The following NFE2L2 variants were observed in gnomAD, a reference collection of about 807,000 sequenced individuals.
NFE2L2 encodes the protein nuclear factor erythroid 2-related factor 2.
Under a neutral mutation model 49.6 loss-of-function variants are expected in NFE2L2, and 20 were observed. The ratio of observed to expected loss-of-function variants is 0.40; its 90% CI spans 0.28 to 0.59. The LOEUF is 0.59. Among genes scored for constraint, NFE2L2 ranks in the 20% least tolerant of loss-of-function variants. The pLI is 0.40. For synonymous variants in NFE2L2, 244 were observed against 256.5 expected, an observed-to-expected ratio of 0.95 and a Z score of 0.47; for missense variants, 578 against 714.2, an observed-to-expected ratio of 0.81 and a Z score of 2.17.
rs192860219 is a variant in NFE2L2 at position 177,239,378 on chromosome 2, T to G, written c.46-5107A>C. 2.4e-4 allele frequency among the ~76,000 whole-genome samples: 37 copies of G among 152,320 alleles called. 2 individuals are homozygous for G. The East Asian group carries it at 6.6e-3, about 27-fold the overall frequency. On this transcript the variant is annotated intron_variant, in intron 1 of 4. Coordinates refer to ENST00000397062, the MANE Select transcript of NFE2L2 (RefSeq NM_006164.5). ...TCTGAAAGGTTTTCCTGTGTATTTT[T>G]AAGTTTATATTTATGTGGCCAGGCA... is the stretch of plus-strand genomic sequence containing the variant.
intron 1 of NFE2L2, among the ~76,000 whole-genome samples, chr2:177,249,721 AC>A (rs1306276920): frequency 2.0e-5 from 3 of 152,276 alleles, no homozygotes; most frequent in Non-Finnish European, 4.4e-5. Flanking sequence ...TAACGAGGTG[AC>A]AAAACACAAT....
At chr2:177,259,086 C>T (rs1451260650) in intron 1 of NFE2L2, among the ~76,000 whole-genome samples, 1 of 152,130 alleles carries the variant, frequency 6.6e-6, no homozygotes, top group Non-Finnish European at 1.5e-5. Flanking sequence ...AAGGTGGGCA[C>T]ATCACCTGAG....
chr2:177,252,963 A>T (rs928716243), intron 1 of NFE2L2, among the ~76,000 whole-genome samples: 4 of 152,128 alleles, frequency 2.6e-5, no homozygotes, highest in Non-Finnish European at 4.4e-5. Flanking sequence ...CCTTTCCAGA[A>T]TCTTCTTCCA....
rs981374848 is a variant in NFE2L2 at position 177,231,540 on chromosome 2, C to T, written c.1063G>A (p.Ala355Thr). ...GATTCCACTGAGTGTTCTGGTGATG[C>T]CACACTGGGACTTGTGTTTAGTGAA... ...GISLNTSPSV[A>T]SPEHSVESSS... Residue 355 changes from alanine (A) to threonine (T), a missense_variant, in exon 5 of 5, where the codon GCA becomes ACA. By Grantham distance (58) the Ala-to-Thr change is moderately conservative. Around this residue, in one of 3 missense-constraint regions of NFE2L2, gnomAD observed 368 missense variants for 384.6 expected, o/e 0.96. Transcript: ENST00000397062. 1 of 1,614,192 alleles carries T rather than the reference C, an allele frequency of 6.2e-7. No homozygotes were observed. The highest frequency in any genetic ancestry group is 8.5e-7 in the Non-Finnish European group (1 of 1,180,020).
At chr2:177,256,889 G>A (rs952809864) in intron 1 of NFE2L2, among the ~76,000 whole-genome samples, 1 of 152,320 alleles carries the variant, frequency 6.6e-6, no homozygotes, top group South Asian at 2.1e-4. Context: ...TGGGGTGGGT[G>A]TATAGGGCTG....
At chr2:177,253,955 AG>A (rs1165917978) in intron 1 of NFE2L2, among the ~76,000 whole-genome samples, 1 of 152,198 alleles carries the variant, frequency 6.6e-6, no homozygotes, top group Non-Finnish European at 1.5e-5. Context: ...TACTTCCCTC[AG>A]GCTGATGGTC....
intron 1 of NFE2L2, among the ~76,000 whole-genome samples, chr2:177,247,485 C>A (rs1343520827): frequency 6.6e-6 from 1 of 151,966 alleles, no homozygotes; most frequent in East Asian, 1.9e-4. Context: ...CATGGTGAAA[C>A]CCTGTCTCTA....
chr2:177,250,679 G>A lies in NFE2L2; in HGVS notation c.45+13853C>T, dbSNP rs1690304669. On this transcript the variant is annotated intron_variant, in intron 1 of 4. Transcript: ENST00000397062. ...GCCCCATCTGATAAATGGTGACAGT[G>A]AGATCCAACTCAGGTTTATCTTAAA... is the stretch of plus-strand genomic sequence containing the variant. Among the ~76,000 whole-genome samples the A allele has an allele frequency of 2.6e-5, 4 of 152,326 alleles. No individual in the cohort carries two copies. In the South Asian group the frequency reaches 8.3e-4, roughly 32 times the overall value.
rs371175224 is a variant in NFE2L2, at chr2:177,257,074, C to T, written c.45+7458G>A. On this transcript the variant is annotated intron_variant, in intron 1 of 4. Coordinates refer to ENST00000397062, the MANE Select transcript of NFE2L2 (RefSeq NM_006164.5). The stretch of plus-strand genomic sequence containing the variant: ...CATTCAGGTAAATATAAGTGGGAGC[C>T]ACTACAAAGTGGGACTTTATCAGGC... Among the ~76,000 whole-genome samples the T allele has an allele frequency of 1.6e-3, 245 of 152,342 alleles. 1 individual carries two copies. Among genetic ancestry groups the T allele is most frequent in the African/African-American group, 5.7e-3 (237 of 41,574 alleles).
chr2:177,237,087 C>T (rs1351563588), intron 1 of NFE2L2, among the ~76,000 whole-genome samples: 2 of 152,024 alleles, frequency 1.3e-5, no homozygotes, highest in South Asian at 4.1e-4. Context: ...CTTGAATTCC[C>T]GGGCTCCATT....
In NFE2L2 at chr2:177,232,474, T is replaced by C; in HGVS notation, c.512A>G (p.Gln171Arg). 2 of 1,614,150 alleles carry C rather than the reference T, an allele frequency of 1.2e-6. No homozygotes were observed. Among genetic ancestry groups the C allele is most frequent in the Non-Finnish European group, 1.7e-6 (2 of 1,179,980 alleles). The change falls in exon 4 of 5, where the codon CAG (glutamine) becomes CGG (arginine). Residue 171 changes from glutamine to arginine, a missense_variant. Around this residue, in one of 3 missense-constraint regions of NFE2L2, gnomAD observed 368 missense variants for 384.6 expected, o/e 0.96. Transcript: ENST00000397062. ...QAQSPETSVA[Q>R]VAPVDLDGMQ... ...ACCGTCTAAATCAACAGGGGCTACC[T>C]GAGCAACAGAAGTTTCAGGTGACTG...
intron 1 of NFE2L2, among the ~76,000 whole-genome samples, chr2:177,246,702 CA>C (rs1470470170): frequency 6.6e-6 from 1 of 151,030 alleles, no homozygotes; most frequent in Non-Finnish European, 1.5e-5. Context: ...TGGGCTCAAG[CA>C]ATCTTCCCAC....
chr2:177,232,969 G>T, intron 3 of NFE2L2: 1 of 496,684 alleles, frequency 2.0e-6, no homozygotes. Flanking sequence ...GCAGCAAATG[G>T]GTTATTTGTT....
chr2:177,232,809 TAAAATG>T, intron 3 of NFE2L2: 1 of 533,982 alleles, frequency 1.9e-6, no homozygotes, highest in Non-Finnish European at 3.3e-6. Context: ...AAGTAAACTT[TAAAATG>T]CGTAAGTACA....
rs1283403574 is a variant in NFE2L2, at chr2:177,234,012, T to G, written c.305A>C (p.Tyr102Ser). 2 of 1,614,108 alleles carry G rather than the reference T, an allele frequency of 1.2e-6. No individual in the cohort carries two copies. Among genetic ancestry groups the G allele is most frequent in the Admixed American group, 1.7e-5 (1 of 60,014 alleles). Residue 102 changes from tyrosine (Y) to serine (S), a missense_variant, in exon 2 of 5, where the codon TAC (tyrosine) becomes TCC (serine). Coordinates refer to ENST00000397062, the MANE Select transcript of NFE2L2 (RefSeq NM_006164.5). ...GAACTGAGTACTCTGTACCTGGGAGTAGTTGGCAGATCCACTGGTTTCTGA... is the reference window on the plus strand; with the variant it reads ...GAACTGAGTACTCTGTACCTGGGAGGAGTTGGCAGATCCACTGGTTTCTGA... The part of the protein sequence containing the change: ...IQSETSGSAN[Y>S]SQVAHIPKSD...
intron 1 of NFE2L2, among the ~76,000 whole-genome samples, chr2:177,249,195 G>C (rs1690244957): frequency 6.6e-6 from 1 of 151,072 alleles, no homozygotes. Context: ...CTACAGCCTA[G>C]GCCACAGCAA....
chr2:177,250,241 G>C lies in NFE2L2; in HGVS notation c.45+14291C>G, dbSNP rs558484801. Among the ~76,000 whole-genome samples, 10 of 152,336 alleles carry C rather than the reference G, an allele frequency of 6.6e-5. 1 individual carries two copies. The South Asian group carries it at 8.3e-4, about 13-fold the overall frequency. On this transcript the variant is annotated intron_variant, in intron 1 of 4. Transcript: ENST00000397062. ...GCAAAGGTCATCTGAAGAATGGATA[G>C]AAGTGAGAGGCCTTAGGTGCTGGGA...
chr2:177,257,499 G>A (rs1690567932), intron 1 of NFE2L2, among the ~76,000 whole-genome samples: 1 of 152,208 alleles, frequency 6.6e-6, no homozygotes, highest in Admixed American at 6.5e-5. Flanking sequence ...CCTGAATGTA[G>A]GTGTTAACTG....
At chr2:177,256,957 TG>T (rs766697069) in intron 1 of NFE2L2, among the ~76,000 whole-genome samples, 1 of 152,216 alleles carries the variant, frequency 6.6e-6, no homozygotes, top group Non-Finnish European at 1.5e-5. Context: ...GTCTCTCAAG[TG>T]GGACTGCTGT....
Sources: allele counts gnomAD v4.1 joint callset (sites outside exome capture counted in the v4.1 genomes callset), GRCh38; gene constraint gnomAD v4.1.1; regional missense constraint gnomAD v4.1.1; transcripts MANE v1.5; gene names NCBI Gene and HGNC (gene_info 2026-07-23, HGNC 2026-07-21).